Variants in ROBO1 observed in about 807,000 individuals in gnomAD.
ROBO1 encodes the protein roundabout homolog 1.
ROBO1 carries 149 observed loss-of-function variants against 195.9 expected under a neutral mutation model. That is an observed-to-expected ratio of 0.76 (90% CI 0.67 to 0.87). ROBO1 has a LOEUF of 0.87. Among genes scored for constraint, ROBO1 ranks in the 40% least tolerant of loss-of-function variants. The pLI is 0.00. For synonymous variants in ROBO1, 816 were observed against 733.2 expected, an observed-to-expected ratio of 1.11 and a Z score of -1.82; for missense variants, 1,933 against 2,068.3, an observed-to-expected ratio of 0.93 and a Z score of 1.27.
At chr3:79,352,166 ATAATACTC>A (rs1227794016) in intron 2 of ROBO1, among the ~76,000 whole-genome samples, 10 of 152,346 alleles carry the variant, frequency 6.6e-5, no homozygotes, top group Admixed American at 2.0e-4. Flanking sequence ...TTAGGCCTCT[ATAATACTC>A]TAATACTCTA....
intron 1 of ROBO1, among the ~76,000 whole-genome samples, chr3:79,651,162 T>C (rs1945994566): frequency 6.6e-6 from 1 of 152,030 alleles, no homozygotes; most frequent in Non-Finnish European, 1.5e-5. Context: ...ATAATGTAAA[T>C]ATGGTATGGC....
chr3:79,695,544 CA>C (rs1270462322), intron 1 of ROBO1, among the ~76,000 whole-genome samples: 1 of 151,158 alleles, frequency 6.6e-6, no homozygotes, highest in African/African-American at 2.4e-5. Flanking sequence ...CAGAGCAAAA[CA>C]AAACAGAAAA....
rs868622916 is a variant in ROBO1, at chr3:78,779,018, T to C, written c.500-32118A>G. ...CAAGCAATGGGGAAAGGATTCCCTA[T>C]TTAATAAATGGTGCTGGGAAAACGG... is the stretch of plus-strand genomic sequence containing the variant. On this transcript the variant is annotated intron_variant, in intron 4 of 30. Coordinates refer to ENST00000464233, the MANE Select transcript of ROBO1 (RefSeq NM_002941.4). 2.6e-5 allele frequency among the ~76,000 whole-genome samples: 4 copies of C among 152,186 alleles called. No individual in the cohort carries two copies. In the South Asian group the frequency reaches 6.2e-4, roughly 24 times the overall value.
intron 2 of ROBO1, among the ~76,000 whole-genome samples, chr3:79,283,248 T>G (rs1204685012): frequency 1.3e-5 from 2 of 152,210 alleles, no homozygotes; most frequent in African/African-American, 2.4e-5. Flanking sequence ...GGGCATAGGC[T>G]GAAAAACTAC....
At chr3:79,069,927 C>CT (rs909753557) in intron 3 of ROBO1, among the ~76,000 whole-genome samples, 16 of 151,754 alleles carry the variant, frequency 1.1e-4, no homozygotes, top group East Asian at 9.8e-4. Context: ...TTTTTTCTTT[C>CT]TTTTTTTCCC....
At chr3:79,076,785 T>G (rs2079181299) in intron 3 of ROBO1, among the ~76,000 whole-genome samples, 1 of 151,770 alleles carries the variant, frequency 6.6e-6, no homozygotes, top group Non-Finnish European at 1.5e-5. Context: ...TTCCCTTGTC[T>G]GAGGGACAAG....
chr3:79,317,064 A>G (rs1293710957), intron 2 of ROBO1, among the ~76,000 whole-genome samples: 2 of 152,280 alleles, frequency 1.3e-5, no homozygotes, highest in Non-Finnish European at 2.9e-5. Context: ...TGTCTCTACA[A>G]TTGAATTAGA....
At chr3:79,221,882 G>T (rs1228314922) in intron 2 of ROBO1, among the ~76,000 whole-genome samples, 1 of 151,984 alleles carries the variant, frequency 6.6e-6, no homozygotes, top group Non-Finnish European at 1.5e-5. Flanking sequence ...GAGAATACTG[G>T]ATAGAAAATG....
At chr3:79,058,341 T>C (rs2078851491) in intron 3 of ROBO1, among the ~76,000 whole-genome samples, 1 of 152,020 alleles carries the variant, frequency 6.6e-6, no homozygotes, top group Non-Finnish European at 1.5e-5. Context: ...CATTCTACTT[T>C]GCATAGGAGG....
intron 5 of ROBO1, among the ~76,000 whole-genome samples, chr3:78,727,564 G>T (rs1422482273): frequency 6.6e-6 from 1 of 152,154 alleles, no homozygotes; most frequent in Non-Finnish European, 1.5e-5. Context: ...GGCGGAGCTT[G>T]CAGTGAGCCG....
chr3:78,714,481 T>A lies in ROBO1; in HGVS notation c.961A>T (p.Thr321Ser), dbSNP rs1339500863. 6.2e-7 allele frequency: 1 copy of A among 1,612,780 alleles called. No individual in the cohort carries two copies. Among genetic ancestry groups the A allele is most frequent in the Non-Finnish European group, 8.5e-7 (1 of 1,179,362 alleles). Residue 321 changes from threonine (T) to serine (S), a missense_variant, in exon 8 of 31, where the codon ACA (threonine) becomes TCA (serine). Around this residue, in one of 3 missense-constraint regions of ROBO1, gnomAD observed 1,737 missense variants for 1,882.5 expected, o/e 0.92. Transcript: ENST00000464233. ...GTGTATGAACCCATGTCACCAGCTG[T>A]CACCTTCCTAATTTTCAAGGTATGA... ...DDHTLKIRKVTAGDMGSYTCV... is the reference protein window; with the variant it reads ...DDHTLKIRKVSAGDMGSYTCV...
intron 1 of ROBO1, among the ~76,000 whole-genome samples, chr3:79,758,084 A>G (rs917056853): frequency 6.6e-6 from 1 of 152,194 alleles, no homozygotes; most frequent in African/African-American, 2.4e-5. Context: ...TGTGGCAGCT[A>G]TCCACTGAAA....
chr3:79,062,911 A>G (rs1328511648), intron 3 of ROBO1, among the ~76,000 whole-genome samples: 1 of 147,146 alleles, frequency 6.8e-6, no homozygotes, highest in Non-Finnish European at 1.5e-5. Context: ...CAGCAAACCA[A>G]CATGGTATAT....
At chr3:79,627,470 C>A (rs554386493) in intron 1 of ROBO1, among the ~76,000 whole-genome samples, 1 of 152,184 alleles carries the variant, frequency 6.6e-6, no homozygotes, top group South Asian at 2.1e-4. Context: ...GAAATTGGAC[C>A]CCTCCCTTAC....
At chr3:78,827,723 T>C (rs1170121015) in intron 4 of ROBO1, among the ~76,000 whole-genome samples, 3 of 152,202 alleles carry the variant, frequency 2.0e-5, no homozygotes, top group Non-Finnish European at 2.9e-5. Flanking sequence ...GCTAATGTGC[T>C]AATGTGGCGG....
At chr3:79,310,462 G>A (rs184379992) in intron 2 of ROBO1, among the ~76,000 whole-genome samples, 1 of 152,154 alleles carries the variant, frequency 6.6e-6, no homozygotes, top group Non-Finnish European at 1.5e-5. Flanking sequence ...TGCTGCTCAG[G>A]GACTACTTCT....
chr3:79,573,833 G>A (rs761761637), intron 2 of ROBO1, among the ~76,000 whole-genome samples: 2 of 152,160 alleles, frequency 1.3e-5, no homozygotes, highest in Middle Eastern at 3.4e-3. Flanking sequence ...CCCAAGATAT[G>A]ATAATTTTAA....
At chr3:78,757,039 G>C (rs2082950282) in intron 4 of ROBO1, among the ~76,000 whole-genome samples, 1 of 152,048 alleles carries the variant, frequency 6.6e-6, no homozygotes, top group Admixed American at 6.5e-5. Context: ...TTACAGGCAA[G>C]CACCACCATG....
chr3:79,190,989 C>T (rs2081530101), intron 2 of ROBO1, among the ~76,000 whole-genome samples: 1 of 151,502 alleles, frequency 6.6e-6, no homozygotes, highest in South Asian at 2.1e-4. Flanking sequence ...AGGACAGACA[C>T]ATTAGGTCAT....
Sources: allele counts gnomAD v4.1 joint callset (sites outside exome capture counted in the v4.1 genomes callset), GRCh38; gene constraint gnomAD v4.1.1; regional missense constraint gnomAD v4.1.1; transcripts MANE v1.5; gene names NCBI Gene and HGNC (gene_info 2026-07-23, HGNC 2026-07-21).